Variants in SLC25A21 observed in about 807,000 individuals in gnomAD.
SLC25A21 encodes solute carrier family 25 member 21.
SLC25A21 carries 47 observed loss-of-function variants against 43.8 expected under a neutral mutation model. The ratio of observed to expected loss-of-function variants is 1.07; its 90% CI spans 0.85 to 1.37. The LOEUF (loss-of-function observed/expected upper bound fraction) is 1.37, where lower values mean the gene tolerates loss of function less well. Ranked by LOEUF, SLC25A21 falls within the 40% of genes most tolerant of loss-of-function variation. SLC25A21 has a pLI of 0.00. For synonymous variants in SLC25A21, 131 were observed against 121.3 expected (o/e 1.08, Z -0.52); for missense variants, 352 against 350.2 (o/e 1.00, Z -0.04).
intron 2 of SLC25A21, among the ~76,000 whole-genome samples, chr14:36,847,974 C>G (rs1267221473): frequency 3.9e-5 from 6 of 152,196 alleles, no homozygotes; most frequent in Admixed American, 3.9e-4. Context: ...AGAGGTGATA[C>G]ACACTGAACA....
At chr14:36,815,865 G>C (rs1022320559) in intron 2 of SLC25A21, among the ~76,000 whole-genome samples, 1 of 152,000 alleles carries the variant, frequency 6.6e-6, no homozygotes, top group Admixed American at 6.6e-5. Context: ...CTGTGGGAGG[G>C]AATTCCCTCC....
At chr14:36,966,091 T>C (rs959426963) in intron 1 of SLC25A21, among the ~76,000 whole-genome samples, 2 of 152,256 alleles carry the variant, frequency 1.3e-5, no homozygotes, top group Non-Finnish European at 2.9e-5. Flanking sequence ...ACATGGAACG[T>C]AAGAAACACA....
At chr14:36,760,434 T>A (rs1444162463) in intron 3 of SLC25A21, among the ~76,000 whole-genome samples, 2 of 151,978 alleles carry the variant, frequency 1.3e-5, no homozygotes, top group Non-Finnish European at 2.9e-5. Context: ...GAGATAGTAA[T>A]TTTTTTATTG....
chr14:36,826,480 G>A (rs1165695866), intron 2 of SLC25A21, among the ~76,000 whole-genome samples: 1 of 151,998 alleles, frequency 6.6e-6, no homozygotes. Flanking sequence ...CCTGCTCTGG[G>A]AGCCTCCTCC....
At chr14:37,154,865 C>T (rs1237716398) in intron 1 of SLC25A21, among the ~76,000 whole-genome samples, 1 of 152,068 alleles carries the variant, frequency 6.6e-6, no homozygotes, top group Non-Finnish European at 1.5e-5. Context: ...TGGTCTCAAA[C>T]TCCCAACCTC....
intron 1 of SLC25A21, among the ~76,000 whole-genome samples, chr14:37,086,841 G>A (rs1962495714): frequency 6.6e-6 from 1 of 152,086 alleles, no homozygotes; most frequent in South Asian, 2.1e-4. Context: ...ATTAGTCTTA[G>A]TTATCATAAT....
chr14:36,788,845 C>T (rs904460263), intron 3 of SLC25A21: 1 of 152,032 alleles, frequency 6.6e-6, no homozygotes, highest in South Asian at 2.1e-4. Flanking sequence ...TCACCGTTTT[C>T]TCTCTAGTTA....
chr14:36,913,479 T>C (rs1029420293), intron 1 of SLC25A21, among the ~76,000 whole-genome samples: 43 of 152,154 alleles, frequency 2.8e-4, no homozygotes, highest in African/African-American at 9.9e-4. Context: ...TCTCATTATG[T>C]TGTCCAGGCT....
chr14:36,986,740 T>C (rs1960155430), intron 1 of SLC25A21, among the ~76,000 whole-genome samples: 1 of 152,138 alleles, frequency 6.6e-6, no homozygotes, highest in Admixed American at 6.6e-5. Context: ...AGGTGGGGTG[T>C]TCATTTTTTT....
At position 37,172,372 on chromosome 14, in the gene SLC25A21, G is replaced by A. The variant is rs374533167; in HGVS notation, c.-22C>T. The A allele has an allele frequency of 2.3e-5, 36 of 1,586,242 alleles. No individual in the cohort carries two copies. The African/African-American group carries it at 2.3e-4, about 10-fold the overall frequency. On this transcript the variant is annotated 5_prime_UTR_variant, in exon 1 of 10. Coordinates refer to ENST00000331299, the MANE Select transcript of SLC25A21 (RefSeq NM_030631.4). ...ACATCTTCGCCAGGCGGGAGGACAA[G>A]GGAGTGGGCTGAGATGCGTCAACGA...
At chr14:37,010,818 C>T (rs1033725411) in intron 1 of SLC25A21, among the ~76,000 whole-genome samples, 5 of 152,118 alleles carry the variant, frequency 3.3e-5, no homozygotes, top group African/African-American at 1.2e-4. Flanking sequence ...AATGAGAGAT[C>T]AGTGCAGCCT....
chr14:36,984,204 T>G (rs931301256), intron 1 of SLC25A21, among the ~76,000 whole-genome samples: 5 of 152,202 alleles, frequency 3.3e-5, no homozygotes, highest in African/African-American at 1.2e-4. Flanking sequence ...AATTGGATTC[T>G]GGATTATCTA....
At chr14:36,907,026 C>T (rs143120503) in intron 1 of SLC25A21, among the ~76,000 whole-genome samples, 66 of 152,168 alleles carry the variant, frequency 4.3e-4, no homozygotes, top group Non-Finnish European at 8.2e-4. Flanking sequence ...TGGAAAAATG[C>T]CAGCTTCATA....
intron 1 of SLC25A21, among the ~76,000 whole-genome samples, chr14:36,905,426 T>C (rs965068304): frequency 1.3e-5 from 2 of 152,236 alleles, no homozygotes; most frequent in African/African-American, 4.8e-5. Context: ...GCCACTGTAG[T>C]AAAATGCTCC....
chr14:36,815,508 C>T (rs993173544), intron 2 of SLC25A21, among the ~76,000 whole-genome samples: 3 of 152,116 alleles, frequency 2.0e-5, no homozygotes, highest in Non-Finnish European at 2.9e-5. Flanking sequence ...GTTGATCATT[C>T]TGGGTAGTTC....
intron 1 of SLC25A21, among the ~76,000 whole-genome samples, chr14:37,158,542 T>C (rs1311934318): frequency 2.6e-5 from 4 of 152,126 alleles, no homozygotes; most frequent in African/African-American, 9.7e-5. Context: ...ACTTTCTTGA[T>C]AAAAATTCTT....
intron 1 of SLC25A21, among the ~76,000 whole-genome samples, chr14:36,881,255 T>C (rs1038631923): frequency 2.0e-5 from 3 of 152,178 alleles, no homozygotes; most frequent in African/African-American, 7.2e-5. Flanking sequence ...AAATGTTACA[T>C]CATCTGTGGC....
chr14:36,947,484 G>A (rs1181254606), intron 1 of SLC25A21, among the ~76,000 whole-genome samples: 6 of 152,112 alleles, frequency 3.9e-5, no homozygotes, highest in Non-Finnish European at 5.9e-5. Flanking sequence ...TTCCAGCCCT[G>A]GGATCATTTA....
intron 1 of SLC25A21, among the ~76,000 whole-genome samples, chr14:36,900,700 G>A (rs1891374239): frequency 6.6e-6 from 1 of 152,196 alleles, no homozygotes; most frequent in African/African-American, 2.4e-5. Flanking sequence ...TAGTTCATAA[G>A]ATGTTATGTT....
Sources: allele counts gnomAD v4.1 joint callset (sites outside exome capture counted in the v4.1 genomes callset), GRCh38; gene constraint gnomAD v4.1.1; transcripts MANE v1.5; gene names NCBI Gene and HGNC (gene_info 2026-07-23, HGNC 2026-07-21).